The following MCM7 variants were observed in gnomAD, a reference collection of about 807,000 sequenced individuals.
MCM7 encodes DNA replication licensing factor MCM7.
A neutral mutation model predicts 83.5 loss-of-function variants in MCM7; 95 were observed. That is an observed-to-expected ratio of 1.14 (90% CI 0.96 to 1.35). The LOEUF is 1.35. Ranked by LOEUF, MCM7 falls within the 40% of genes most tolerant of loss-of-function variation. MCM7 has a pLI of 0.00. For synonymous variants in MCM7, 461 were observed against 352.7 expected, an observed-to-expected ratio of 1.31 and a Z score of -3.44; for missense variants, 1,087 against 957.4, an observed-to-expected ratio of 1.14 and a Z score of -1.79.
chr7:100,100,716 C>G, intron 1 of MCM7: 1 of 989,108 alleles, frequency 1.0e-6, no homozygotes, highest in Non-Finnish European at 1.2e-6. Context: ...CCGCAGCTCT[C>G]TCCGCGGCCG....
intron 2 of MCM7, 31 bp downstream of exon 2, chr7:100,099,983 C>A (rs1795872665): frequency 6.3e-7 from 1 of 1,591,366 alleles, no homozygotes; most frequent in Admixed American, 1.7e-5. Flanking sequence ...GCACCCCGCT[C>A]CCCATTCCCT....
In MCM7 at chr7:100,095,696, TG is replaced by T. The variant is rs1335035756; in HGVS notation, c.1595+77del. On this transcript the variant is annotated intron_variant, in intron 11 of 14. Transcript: ENST00000303887. ...CTGGGGTTTCCAGGAGCGTGGAATTTGTTTTCTGATTCACCTCTCCTCCTCC... is the reference window on the plus strand; with the variant it reads ...CTGGGGTTTCCAGGAGCGTGGAATTTTTTTCTGATTCACCTCTCCTCCTCC... 2.7e-6 allele frequency: 4 copies of T among 1,496,488 alleles called. No homozygotes were observed. The East Asian group carries it at 6.8e-5, about 26-fold the overall frequency. 92.7% of individuals were successfully genotyped at this position (1,496,488 alleles called of 1,614,324 possible).
At position 100,096,718 on chromosome 7, in the gene MCM7, T is replaced by C. The variant is rs1030389233; in HGVS notation, c.1202-551A>G. On this transcript the variant is annotated intron_variant, in intron 10 of 14. Coordinates refer to ENST00000303887, the MANE Select transcript of MCM7 (RefSeq NM_005916.5). ...TGAACCTGGGAGGCAGAGGTTGCAG[T>C]GAGCCAAGACCATGCCATTGCACTC... Among the ~76,000 whole-genome samples the C allele has an allele frequency of 8.6e-5, 13 of 151,572 alleles. No homozygotes were observed. In the South Asian group the frequency reaches 1.0e-3, roughly 12 times the overall value.
Position 100,100,079 on chromosome 7 carries a change from ACTT to A in MCM7, c.43_45del (p.Lys15del), listed in dbSNP as rs1185590754. Reference sequence around the variant, plus strand: ...TCATCCTGGTAGAACTCTTGTAAGAACTTCTTAACCTTTTCTGTAACATGAAAT... The same window carrying A: ...TCATCCTGGTAGAACTCTTGTAAGAACTTAACCTTTTCTGTAACATGAAAT... On this transcript the variant is annotated inframe_deletion, in exon 2 of 15. Coordinates refer to ENST00000303887, the MANE Select transcript of MCM7 (RefSeq NM_005916.5). 2 of 1,614,158 alleles carry A rather than the reference ACTT, an allele frequency of 1.2e-6. No individual in the cohort carries two copies. The highest frequency in any genetic ancestry group is 8.5e-7 in the Non-Finnish European group (1 of 1,180,004).
intron 11 of MCM7, 149 bp downstream of exon 11, chr7:100,095,625 A>T: frequency 7.5e-7 from 1 of 1,328,026 alleles, no homozygotes; most frequent in Non-Finnish European, 1.0e-6. Context: ...CCAACCCACC[A>T]TTTCCCTGAG....
At chr7:100,099,985 C>A in intron 2 of MCM7, 29 bp downstream of exon 2, 1 of 1,596,976 alleles carries the variant, frequency 6.3e-7, no homozygotes, top group South Asian at 1.1e-5. Flanking sequence ...ACCCCGCTCC[C>A]CATTCCCTTT....
chr7:100,093,047 T>A lies in MCM7; in HGVS notation c.2045A>T (p.Gln682Leu). The A allele has an allele frequency of 6.2e-7, 1 of 1,614,238 alleles. No individual in the cohort carries two copies. The highest frequency in any genetic ancestry group is 8.5e-7 in the Non-Finnish European group (1 of 1,180,040). Reference protein sequence around the residue: ...GRSVRFSEAEQRCVSRGFTPA... With the variant: ...GRSVRFSEAELRCVSRGFTPA... ...TGTGAAGCCACGAGATACACAGCGC[T>A]GCTCTGCCTCAGAGAACCGGACACT... is the stretch of plus-strand genomic sequence containing the variant. The change falls in exon 15 of 15, where the codon CAG becomes CTG. Residue 682 changes from glutamine (Q) to leucine (L), a missense_variant. By Grantham distance (113) the Gln-to-Leu change is moderately radical. Transcript: ENST00000303887.
rs751938080 is a variant in MCM7, at chr7:100,093,010, G to C, written c.2082C>G (p.Phe694Leu). Reference protein sequence around the residue: ...CVSRGFTPAQFQAALDEYEEL... With the variant: ...CVSRGFTPAQLQAALDEYEEL... Reference sequence around the variant, plus strand: ...CCTCATATTCATCCAGAGCCGCCTGGAACTGGGCGGGTGTGAAGCCACGAG... The same window carrying C: ...CCTCATATTCATCCAGAGCCGCCTGCAACTGGGCGGGTGTGAAGCCACGAG... Residue 694 changes from phenylalanine to leucine, a missense_variant, in exon 15 of 15, where the codon TTC (phenylalanine) becomes TTG (leucine). Coordinates refer to ENST00000303887, the MANE Select transcript of MCM7 (RefSeq NM_005916.5). 39 of 1,614,104 alleles carry C rather than the reference G, an allele frequency of 2.4e-5. No homozygotes were observed. Among genetic ancestry groups the C allele is most frequent in the Middle Eastern group, 1.6e-4 (1 of 6,084 alleles).
chr7:100,098,343 T>G, intron 6 of MCM7, 53 bp from the exon 7 acceptor site: 1 of 1,595,836 alleles, frequency 6.3e-7, no homozygotes, highest in South Asian at 1.1e-5. Context: ...GGACCCAACC[T>G]TCCCTCCCTA....
chr7:100,095,450 T>C lies in MCM7; in HGVS notation c.1616A>G (p.Tyr539Cys), dbSNP rs778583017. The C allele has an allele frequency of 5.6e-6, 9 of 1,614,026 alleles. No homozygotes were observed. The highest frequency in any genetic ancestry group is 6.8e-6 in the Non-Finnish European group (8 of 1,180,028). ...NDLRLAQHIT[Y>C]VHQHSRQPPS... ...GGGCTGCCGGCTGTGCTGGTGCACA[T>C]AGGTGATGTGCTGGGCCAACCTGGA... Residue 539 changes from tyrosine to cysteine, a missense_variant, in exon 12 of 15, where the codon TAT (tyrosine) becomes TGT (cysteine). Physicochemically the swap from Tyr to Cys is radical, Grantham distance 194. Transcript: ENST00000303887.
At position 100,093,083 on chromosome 7, in the gene MCM7, G is replaced by A; in HGVS notation, c.2009C>T (p.Ser670Leu). 6.2e-7 allele frequency: 1 copy of A among 1,614,204 alleles called. No individual in the cohort carries two copies. ...VIFATVRELVSGGRSVRFSEA... is the reference protein window; with the variant it reads ...VIFATVRELVLGGRSVRFSEA... ...AGAGAACCGGACACTTCGGCCCCCT[G>A]AGACCAGTTCACGGACGGTGGCAAA... is the stretch of plus-strand genomic sequence containing the variant. Residue 670 changes from serine (S) to leucine (L), a missense_variant, in exon 15 of 15, where the codon TCA (serine) becomes TTA (leucine). Physicochemically the swap from Ser to Leu is moderately radical, Grantham distance 145. Transcript: ENST00000303887.
At position 100,101,255 on chromosome 7, in the gene MCM7, G is replaced by C. The variant is rs1422169656; in HGVS notation, c.31+9C>G. 2 of 1,613,146 alleles carry C rather than the reference G, an allele frequency of 1.2e-6. No individual in the cohort carries two copies. The highest frequency in any genetic ancestry group is 1.7e-6 in the Non-Finnish European group (2 of 1,179,874). On this transcript the variant is annotated intron_variant, in intron 1 of 14. Coordinates refer to ENST00000303887, the MANE Select transcript of MCM7 (RefSeq NM_005916.5). Reference sequence around the variant, plus strand: ...CGCAGGACGCCCTCCCGGGCTCGTAGACCCGTACCCTTCTCTAGCGCGTAG... The same window carrying C: ...CGCAGGACGCCCTCCCGGGCTCGTACACCCGTACCCTTCTCTAGCGCGTAG...
At chr7:100,098,764 C>T (rs779060199) in intron 5 of MCM7, 49 bp from the exon 6 acceptor site, 1 of 1,606,476 alleles carries the variant, frequency 6.2e-7, no homozygotes, top group East Asian at 2.2e-5. Context: ...GGAAAAGAGC[C>T]CCATTGGGTC....
At chr7:100,100,205 A>T in intron 1 of MCM7, 112 bp from the exon 2 acceptor site, 1 of 1,470,428 alleles carries the variant, frequency 6.8e-7, no homozygotes, top group Admixed American at 2.5e-5. Context: ...GCATTTAAAT[A>T]AACCTACCGA....
intron 9 of MCM7, 113 bp from the exon 10 acceptor site, chr7:100,097,497 C>A: frequency 6.3e-7 from 1 of 1,578,074 alleles, no homozygotes; most frequent in Non-Finnish European, 8.7e-7. Context: ...CTAAGCCCTC[C>A]CTGTGTCCAC....
chr7:100,100,269 A>G, intron 1 of MCM7, 176 bp from the exon 2 acceptor site: 1 of 1,382,396 alleles, frequency 7.2e-7, no homozygotes. Flanking sequence ...CTAACCAGCG[A>G]AGAATAAAGA....
At chr7:100,097,530 C>T (rs1584491888) in intron 9 of MCM7, 84 bp downstream of exon 9, 3 of 1,601,360 alleles carry the variant, frequency 1.9e-6, no homozygotes, top group Non-Finnish European at 2.6e-6. Flanking sequence ...TCCACTCATA[C>T]TGTGACCTAC....
chr7:100,096,732 G>C (rs1795653768), intron 10 of MCM7, among the ~76,000 whole-genome samples: 1 of 151,864 alleles, frequency 6.6e-6, no homozygotes, highest in African/African-American at 2.4e-5. Context: ...CCAAGACCAT[G>C]CCATTGCACT....
chr7:100,097,491 GCCCT>G, intron 9 of MCM7, 107 bp from the exon 10 acceptor site: 14 of 1,571,656 alleles, frequency 8.9e-6, no homozygotes, highest in Non-Finnish European at 1.2e-5. Flanking sequence ...CTATTTCTAA[GCCCT>G]CCCTGTGTCC....
Sources: allele counts gnomAD v4.1 joint callset (sites outside exome capture counted in the v4.1 genomes callset), GRCh38; gene constraint gnomAD v4.1.1; transcripts MANE v1.5; gene names NCBI Gene and HGNC (gene_info 2026-07-23, HGNC 2026-07-21).